MYL10: variants seen among roughly 807,000 people sequenced by gnomAD.
MYL10 encodes the protein myosin regulatory light chain 10.
Under a neutral mutation model 21.9 loss-of-function variants are expected in MYL10, and 18 were observed. That is an observed-to-expected ratio of 0.82 (90% CI 0.57 to 1.22). The LOEUF (loss-of-function observed/expected upper bound fraction) is 1.22. Ranked by LOEUF, MYL10 falls within the 50% of genes most tolerant of loss-of-function variation. The pLI is 0.00. For missense variants in MYL10, 225 were observed against 230.4 expected (o/e 0.98, Z 0.15); for synonymous variants, 88 against 82.8 (o/e 1.06, Z -0.34).
At chr7:101,616,540 T>A (rs1796611973) in intron 5 of MYL10, among the ~76,000 whole-genome samples, 1 of 152,204 alleles carries the variant, frequency 6.6e-6, no homozygotes, top group African/African-American at 2.4e-5. Context: ...ATATATATAT[T>A]TTGTGAACAA....
intron 4 of MYL10, among the ~76,000 whole-genome samples, chr7:101,622,569 G>A (rs766158828): frequency 3.9e-5 from 6 of 152,088 alleles, no homozygotes; most frequent in Admixed American, 6.5e-5. Flanking sequence ...AGATTCCCAG[G>A]GGATCAGGGC....
At chr7:101,628,579 G>T (rs1442811404) in intron 1 of MYL10, among the ~76,000 whole-genome samples, 3 of 152,180 alleles carry the variant, frequency 2.0e-5, no homozygotes, top group Non-Finnish European at 4.4e-5. Context: ...CCCAGCCCAA[G>T]AATTCTCTAG....
rs200406394 is a variant in MYL10 at position 101,624,226 on chromosome 7, G to T, written c.117C>A (p.Ala39=). 100 of 1,613,882 alleles carry T rather than the reference G, an allele frequency of 6.2e-5. No individual in the cohort carries two copies. The highest frequency in any genetic ancestry group is 8.2e-5 in the Non-Finnish European group (97 of 1,179,946). ...RRARKRAEGT[A]SSNVFSMFDQ... ...CAAACATGGAGAAGACGTTGGAGCT[G>T]GCGGTGCCTTCTGCTCTTTTCCGAG... Residue 39 remains alanine, a synonymous_variant, in exon 2 of 8, where the codon GCC becomes GCA. Coordinates refer to ENST00000223167, the MANE Select transcript of MYL10 (RefSeq NM_138403.5).
At chr7:101,615,207 G>A (rs927691170) in intron 6 of MYL10, among the ~76,000 whole-genome samples, 8 of 152,256 alleles carry the variant, frequency 5.3e-5, no homozygotes, top group African/African-American at 1.7e-4. Context: ...GCCCGAGGCG[G>A]TGCTGGCTAC....
At chr7:101,622,292 C>A in intron 4 of MYL10, 92 bp from the exon 5 acceptor site, 1 of 935,494 alleles carries the variant, frequency 1.1e-6, no homozygotes, top group Non-Finnish European at 1.6e-6. Context: ...CTCAGCTGCT[C>A]CACGTGCCCC....
chr7:101,621,024 G>A (rs1194517256), intron 5 of MYL10, among the ~76,000 whole-genome samples: 2 of 151,962 alleles, frequency 1.3e-5, no homozygotes, highest in South Asian at 2.1e-4. Flanking sequence ...CCTGACCTCA[G>A]GTGATCCACC....
chr7:101,627,746 T>C (rs1282718964), intron 1 of MYL10, among the ~76,000 whole-genome samples: 1 of 152,196 alleles, frequency 6.6e-6, no homozygotes, highest in Non-Finnish European at 1.5e-5. Flanking sequence ...CTGTTTTCTC[T>C]AGAGCCAAGG....
chr7:101,619,287 T>A (rs1796648045), intron 5 of MYL10, among the ~76,000 whole-genome samples: 1 of 152,218 alleles, frequency 6.6e-6, no homozygotes, highest in Non-Finnish European at 1.5e-5. Context: ...CACATGGTCC[T>A]GGGAATAGGC....
At position 101,622,907 on chromosome 7, in the gene MYL10, G is replaced by A. The variant is rs536137148; in HGVS notation, c.349+90C>T. The A allele has an allele frequency of 3.2e-5, 39 of 1,208,454 alleles. 1 individual carries two copies. The highest frequency in any genetic ancestry group is 2.5e-4 in the South Asian group (19 of 77,250). 74.9% of individuals were successfully genotyped at this position (1,208,454 alleles called of 1,614,324 possible). On this transcript the variant is annotated intron_variant, in intron 4 of 7. Coordinates refer to ENST00000223167, the MANE Select transcript of MYL10 (RefSeq NM_138403.5). ...GCTCCCCAGCACAGGAGCCTCTCACGCTCACCGCGAGCCCTGCCCTGCTGG... is the reference window on the plus strand; with the variant it reads ...GCTCCCCAGCACAGGAGCCTCTCACACTCACCGCGAGCCCTGCCCTGCTGG...
intron 5 of MYL10, among the ~76,000 whole-genome samples, chr7:101,619,307 C>T (rs1450048569): frequency 6.6e-6 from 1 of 152,192 alleles, no homozygotes; most frequent in African/African-American, 2.4e-5. Context: ...CCCCGACAAG[C>T]TGCCTGGAGG....
At chr7:101,614,723 A>G (rs1460274815) in intron 6 of MYL10, among the ~76,000 whole-genome samples, 1 of 152,124 alleles carries the variant, frequency 6.6e-6, no homozygotes, top group African/African-American at 2.4e-5. Context: ...TCCCCATCCC[A>G]GGGGAGTATG....
intron 1 of MYL10, among the ~76,000 whole-genome samples, chr7:101,624,487 G>A (rs1796721876): frequency 2.0e-5 from 3 of 152,212 alleles, no homozygotes; most frequent in African/African-American, 7.2e-5. Context: ...CACAGAGCTG[G>A]ACAGCTGCTT....
chr7:101,623,170 C>G, intron 3 of MYL10, 98 bp from the exon 4 acceptor site: 1 of 1,104,976 alleles, frequency 9.0e-7, no homozygotes, highest in Non-Finnish European at 1.3e-6. Context: ...CAAGGAGCCT[C>G]GGGGCAGGTC....
intron 1 of MYL10, among the ~76,000 whole-genome samples, chr7:101,625,197 T>C (rs4729747): frequency 0.98 from 148,806 of 152,220 alleles, 72,753 homozygotes; most frequent in East Asian, 1. Context: ...GTCAGATGGT[T>C]TCTGGCCAGC....
In MYL10 at chr7:101,623,175, C is replaced by A. The variant is rs17135684; in HGVS notation, c.274-103G>T. On this transcript the variant is annotated intron_variant, in intron 3 of 7. Transcript: ENST00000223167. Reference sequence around the variant, plus strand: ...GACTGCTGCCCAAGGAGCCTCGGGGCAGGTCCCTCTGGCAGCCCAGCTGGG... The same window carrying A: ...GACTGCTGCCCAAGGAGCCTCGGGGAAGGTCCCTCTGGCAGCCCAGCTGGG... 7,432 of 1,059,062 alleles carry A rather than the reference C, an allele frequency of 7.0e-3. 333 individuals are homozygous for A. The African/African-American group carries it at 0.1, about 15-fold the overall frequency. 65.6% of individuals were successfully genotyped at this position (1,059,062 alleles called of 1,614,324 possible).
chr7:101,622,972 C>A, intron 4 of MYL10, 25 bp downstream of exon 4: 1 of 1,611,520 alleles, frequency 6.2e-7, no homozygotes, highest in East Asian at 2.2e-5. Context: ...TGGCCCTAAT[C>A]TCCCCCGGCT....
intron 4 of MYL10, 113 bp downstream of exon 4, chr7:101,622,884 T>C (rs1796696963): frequency 1.1e-6 from 1 of 907,108 alleles, no homozygotes; most frequent in Non-Finnish European, 1.7e-6. Flanking sequence ...TACCCTGTGC[T>C]CCCCAGCACA....
At chr7:101,627,730 G>C (rs1028321267) in intron 1 of MYL10, among the ~76,000 whole-genome samples, 1 of 152,206 alleles carries the variant, frequency 6.6e-6, no homozygotes, top group Non-Finnish European at 1.5e-5. Context: ...GAGAGCCCTG[G>C]GCCAACTGTT....
At chr7:101,622,667 T>C (rs938430128) in intron 4 of MYL10, among the ~76,000 whole-genome samples, 4 of 152,248 alleles carry the variant, frequency 2.6e-5, no homozygotes, top group Non-Finnish European at 5.9e-5. Flanking sequence ...AACCTCAACC[T>C]GGGAGTTGGG....
Sources: gnomAD v4.1 joint callset for allele counts (sites outside exome capture counted in the v4.1 genomes callset) on GRCh38, gnomAD v4.1.1 for gene constraint, MANE v1.5 for transcripts, NCBI Gene and HGNC (gene_info 2026-07-23, HGNC 2026-07-21) for gene names.